The following KLRF2 variants were observed in gnomAD, a reference collection of about 807,000 sequenced individuals.
KLRF2 encodes the protein killer cell lectin-like receptor subfamily F member 2.
KLRF2 carries 28 observed loss-of-function variants against 25.3 expected under a neutral mutation model. That is an observed-to-expected ratio of 1.11 (90% CI 0.82 to 1.52). The LOEUF (loss-of-function observed/expected upper bound fraction) is 1.52, where lower values mean the gene tolerates loss of function less well. Ranked by LOEUF, KLRF2 falls within the 40% of genes most tolerant of loss-of-function variation. The probability of loss-of-function intolerance (pLI) is 0.00; values close to 1 mark genes in which losing one functional copy is unlikely to be tolerated. For missense variants in KLRF2, 265 were observed against 245.8 expected (o/e 1.08, Z -0.52); for synonymous variants, 73 against 85.0 (o/e 0.86, Z 0.78).
At chr12:9,892,869 C>A (rs1482425074) in intron 3 of KLRF2, 151 bp from the exon 4 acceptor site, 10 of 566,526 alleles carry the variant, frequency 1.8e-5, no homozygotes, top group Admixed American at 3.2e-5. Context: ...CAGGCGTGAG[C>A]CACCGCGCCT....
chr12:9,888,314 C>T (rs1056939305), intron 2 of KLRF2, among the ~76,000 whole-genome samples: 1 of 151,272 alleles, frequency 6.6e-6, no homozygotes, highest in Non-Finnish European at 1.5e-5. Context: ...TATCATGAAA[C>T]CCCATCTCTA....
chr12:9,895,688 G>C lies in KLRF2; in HGVS notation c.480-1G>C, dbSNP rs747631350. ...TGAAAAATCTGTCCTTTGTCTCTTA[G>C]GTTTTCAGTGATTGGACCAACTGAT... On this transcript the variant is annotated splice_acceptor_variant, in intron 5 of 5. Coordinates refer to ENST00000535540, the MANE Select transcript of KLRF2 (RefSeq NM_001190765.1). LOFTEE classifies it high-confidence loss of function. 2.0e-6 allele frequency: 3 copies of C among 1,524,860 alleles called. No homozygotes were observed. The highest frequency in any genetic ancestry group is 2.1e-5 in the Admixed American group (1 of 48,176). 94.5% of individuals were successfully genotyped at this position (1,524,860 alleles called of 1,614,324 possible).
chr12:9,888,009 T>C (rs1279173810), intron 2 of KLRF2, among the ~76,000 whole-genome samples: 1 of 132,642 alleles, frequency 7.5e-6, no homozygotes, highest in Non-Finnish European at 1.5e-5. Context: ...TGAGCCATGA[T>C]GGCCCACTGC....
At chr12:9,884,391 T>C (rs944203129) in intron 1 of KLRF2, among the ~76,000 whole-genome samples, 5 of 151,956 alleles carry the variant, frequency 3.3e-5, no homozygotes, top group Admixed American at 2.6e-4. Flanking sequence ...AGGTGTAAGG[T>C]GAAATAAAAT....
intron 2 of KLRF2, among the ~76,000 whole-genome samples, chr12:9,886,563 G>A (rs1299965162): frequency 6.6e-6 from 1 of 152,026 alleles, no homozygotes; most frequent in Non-Finnish European, 1.5e-5. Flanking sequence ...GAGAGTCAGA[G>A]GGTAAATGGA....
At chr12:9,890,642 A>C (rs141221624) in intron 3 of KLRF2, among the ~76,000 whole-genome samples, 2 of 152,226 alleles carry the variant, frequency 1.3e-5, no homozygotes, top group African/African-American at 4.8e-5. Context: ...ATGGACTTAC[A>C]TCTGATTAAG....
chr12:9,891,715 G>A (rs618819), intron 3 of KLRF2, among the ~76,000 whole-genome samples: 3 of 152,012 alleles, frequency 2.0e-5, no homozygotes, highest in Admixed American at 1.3e-4. Context: ...ACTCTTGCCC[G>A]GATACAGCAT....
chr12:9,893,180 A>G lies in KLRF2; in HGVS notation c.366+12A>G, dbSNP rs10505740. On this transcript the variant is annotated intron_variant, in intron 4 of 5. Coordinates refer to ENST00000535540, the MANE Select transcript of KLRF2 (RefSeq NM_001190765.1). Reference sequence around the variant, plus strand: ...ATTTGGATGAGCTGGTGAGAAATCAAAAACAGGATCTAACTGCACAAGGAA... The same window carrying G: ...ATTTGGATGAGCTGGTGAGAAATCAGAAACAGGATCTAACTGCACAAGGAA... The G allele has an allele frequency of 1.2e-3, 1,867 of 1,528,484 alleles. 17 individuals carry two copies. In the African/African-American group the frequency reaches 0.022, roughly 18 times the overall value. The allele number at this position is 1,528,484 out of a possible 1,614,324, so 94.7% of individuals were successfully genotyped here. A position where few individuals can be genotyped will look rare whatever the true frequency, so the allele number is the denominator to read the frequency against.
chr12:9,895,645 T>C, intron 5 of KLRF2, 44 bp from the exon 6 acceptor site: 1 of 1,474,830 alleles, frequency 6.8e-7, no homozygotes. Flanking sequence ...GATACTATTA[T>C]CATTTTAAGA....
chr12:9,882,194 A>G (rs1868101703), intron 1 of KLRF2, among the ~76,000 whole-genome samples: 1 of 152,202 alleles, frequency 6.6e-6, no homozygotes, highest in Non-Finnish European at 1.5e-5. Context: ...TTTTGAAAAC[A>G]ATCTTGTTGA....
chr12:9,893,993 A>G (rs1862720252), intron 5 of KLRF2, among the ~76,000 whole-genome samples: 1 of 152,116 alleles, frequency 6.6e-6, no homozygotes, highest in Non-Finnish European at 1.5e-5. Flanking sequence ...CAGAAATTCA[A>G]CTAAACTTGT....
In KLRF2 at chr12:9,884,917, A is replaced by G. The variant is rs551294560; in HGVS notation, c.71-17A>G. The G allele has an allele frequency of 5.7e-6, 5 of 881,268 alleles. No homozygotes were observed. Among genetic ancestry groups the G allele is most frequent in the Non-Finnish European group, 8.0e-6 (5 of 628,078 alleles). The allele number at this position is 881,268 out of a possible 1,614,324, so 54.6% of individuals were successfully genotyped here. A position where few individuals can be genotyped will look rare whatever the true frequency, so the allele number is the denominator to read the frequency against. On this transcript the variant is annotated splice_polypyrimidine_tract_variant and intron_variant, in intron 1 of 5. Coordinates refer to ENST00000535540, the MANE Select transcript of KLRF2 (RefSeq NM_001190765.1). ...TAAAGTGAATAATCACAAGAATTCT[A>G]AAATTCAACATTTCAGATTTCTCCC... is the stretch of plus-strand genomic sequence containing the variant.
chr12:9,893,113 G>C lies in KLRF2; in HGVS notation c.311G>C (p.Arg104Pro). The change falls in exon 4 of 6, where the codon CGT becomes CCT. Residue 104 changes from arginine to proline, a missense_variant. By Grantham distance (103) the Arg-to-Pro change is moderately radical. Coordinates refer to ENST00000535540, the MANE Select transcript of KLRF2 (RefSeq NM_001190765.1). ...TSFKTWKESQ[R>P]DCTQLQAHLL... is the part of the protein sequence containing the mutation. ...TTTAAAACGTGGAAAGAGAGTCAAC[G>C]TGATTGTACACAGCTACAGGCACAT... The C allele has an allele frequency of 6.5e-7, 1 of 1,535,794 alleles. No homozygotes were observed. The highest frequency in any genetic ancestry group is 8.7e-7 in the Non-Finnish European group (1 of 1,146,736).
chr12:9,890,750 C>A (rs500221), intron 3 of KLRF2, among the ~76,000 whole-genome samples: 1 of 152,168 alleles, frequency 6.6e-6, no homozygotes, highest in East Asian at 1.9e-4. Flanking sequence ...TGCTGTCTAA[C>A]ATAACCTAAT....
intron 3 of KLRF2, among the ~76,000 whole-genome samples, chr12:9,890,401 G>A (rs1431578022): frequency 6.6e-6 from 1 of 152,124 alleles, no homozygotes; most frequent in African/African-American, 2.4e-5. Context: ...CGAGAGCTGA[G>A]GTTCCTCTTC....
intron 2 of KLRF2, among the ~76,000 whole-genome samples, chr12:9,885,267 A>G (rs1320623364): frequency 6.6e-6 from 1 of 151,740 alleles, no homozygotes; most frequent in Non-Finnish European, 1.5e-5. Context: ...TATAATTAAA[A>G]AAGTAATGTA....
rs1434204509 is a variant in KLRF2, at chr12:9,895,677, T to C, written c.480-12T>C. On this transcript the variant is annotated splice_polypyrimidine_tract_variant and intron_variant, in intron 5 of 5. Transcript: ENST00000535540. Reference sequence around the variant, plus strand: ...AAGATAAATGCTGAAAAATCTGTCCTTTGTCTCTTAGGTTTTCAGTGATTG... The same window carrying C: ...AAGATAAATGCTGAAAAATCTGTCCCTTGTCTCTTAGGTTTTCAGTGATTG... The C allele has an allele frequency of 1.3e-6, 2 of 1,512,240 alleles. No homozygotes were observed. Among genetic ancestry groups the C allele is most frequent in the Non-Finnish European group, 1.8e-6 (2 of 1,139,660 alleles). The allele number at this position is 1,512,240 out of a possible 1,614,324, so 93.7% of individuals were successfully genotyped here. A position where few individuals can be genotyped will look rare whatever the true frequency, so the allele number is the denominator to read the frequency against.
At chr12:9,889,747 G>A (rs1317062970) in intron 3 of KLRF2, among the ~76,000 whole-genome samples, 1 of 151,504 alleles carries the variant, frequency 6.6e-6, no homozygotes, top group East Asian at 1.9e-4. Flanking sequence ...ACTCCAATAC[G>A]GTAATACAGT....
chr12:9,884,162 G>C (rs1868124768), intron 1 of KLRF2, among the ~76,000 whole-genome samples: 1 of 152,048 alleles, frequency 6.6e-6, no homozygotes, highest in Admixed American at 6.6e-5. Flanking sequence ...GAAAAAAGTA[G>C]ATAAAATTGA....
Sources: gnomAD v4.1 joint callset for allele counts (sites outside exome capture counted in the v4.1 genomes callset) on GRCh38, gnomAD v4.1.1 for gene constraint, MANE v1.5 for transcripts, NCBI Gene and HGNC (gene_info 2026-07-23, HGNC 2026-07-21) for gene names.